Variants in LNX1 observed in about 807,000 individuals in gnomAD.
The protein encoded by LNX1 is ligand of numb-protein X 1.
LNX1 carries 54 observed loss-of-function variants against 68.4 expected under a neutral mutation model. That is an observed-to-expected ratio of 0.79 (90% CI 0.63 to 0.99). The LOEUF (loss-of-function observed/expected upper bound fraction) is 0.99. Ranked by LOEUF, LNX1 falls within the 50% of genes least tolerant of loss-of-function variation. LNX1 has a pLI of 0.00. For missense variants in LNX1, 906 were observed against 926.4 expected, an observed-to-expected ratio of 0.98 and a Z score of 0.29; for synonymous variants, 336 against 350.0, an observed-to-expected ratio of 0.96 and a Z score of 0.45.
intron 7 of LNX1, among the ~76,000 whole-genome samples, chr4:53,480,950 C>T (rs1366144210): frequency 6.6e-6 from 1 of 152,104 alleles, no homozygotes; most frequent in African/African-American, 2.4e-5. Flanking sequence ...CTGAAAGAAG[C>T]TCATCAGCAT....
intron 1 of LNX1, among the ~76,000 whole-genome samples, chr4:53,585,544 C>T (rs1211988979): frequency 6.6e-6 from 1 of 152,152 alleles, no homozygotes; most frequent in Non-Finnish European, 1.5e-5. Context: ...GGTTTAGGAT[C>T]TTGAGATGAG....
chr4:53,480,963 C>A (rs1579381399), intron 7 of LNX1, among the ~76,000 whole-genome samples: 1 of 152,142 alleles, frequency 6.6e-6, no homozygotes, highest in Non-Finnish European at 1.5e-5. Context: ...ATCAGCATCA[C>A]AACAGGATGC....
intron 7 of LNX1, among the ~76,000 whole-genome samples, chr4:53,481,097 G>A (rs558537052): frequency 1.3e-5 from 2 of 152,160 alleles, no homozygotes; most frequent in Non-Finnish European, 2.9e-5. Context: ...TACAAATTGG[G>A]CTGAGTCACT....
intron 1 of LNX1, among the ~76,000 whole-genome samples, chr4:53,583,298 A>T (rs1318226197): frequency 6.6e-6 from 1 of 152,168 alleles, no homozygotes; most frequent in East Asian, 1.9e-4. Context: ...TCACACATGG[A>T]ATAAAATTAT....
At chr4:53,467,256 T>C (rs1271757837) in intron 9 of LNX1, among the ~76,000 whole-genome samples, 7 of 151,912 alleles carry the variant, frequency 4.6e-5, no homozygotes, top group Non-Finnish European at 4.4e-5. Flanking sequence ...TACAGCCAAC[T>C]CCAACAGACC....
intron 9 of LNX1, among the ~76,000 whole-genome samples, chr4:53,471,312 C>T: frequency 6.6e-6 from 1 of 151,946 alleles, no homozygotes. Context: ...AACTGGATCC[C>T]TTCCTTACAC....
At chr4:53,501,372 C>G (rs1348074853) in intron 4 of LNX1, among the ~76,000 whole-genome samples, 1 of 149,372 alleles carries the variant, frequency 6.7e-6, no homozygotes, top group Non-Finnish European at 1.5e-5. Flanking sequence ...CTCAAAGCAG[C>G]CTTGACCTCA....
intron 2 of LNX1, among the ~76,000 whole-genome samples, chr4:53,517,410 A>G (rs1214230178): frequency 6.6e-6 from 1 of 152,058 alleles, no homozygotes; most frequent in Non-Finnish European, 1.5e-5. Flanking sequence ...TTCCACTTGC[A>G]CTCCCTGAGC....
rs933323426 is a variant in LNX1, at chr4:53,459,591, A to G, written c.*1316T>C. 7 of 1,200,326 alleles carry G rather than the reference A, an allele frequency of 5.8e-6. No homozygotes were observed. The African/African-American group carries it at 1.1e-4, about 18-fold the overall frequency. The allele number at this position is 1,200,326 out of a possible 1,614,324, so 74.4% of individuals were successfully genotyped here. ...AAAAGTTAACTTTTTTTCCAAAATA[A>G]AAGAGTGAATTTTTCATGTTAAGTT... On this transcript the variant is annotated 3_prime_UTR_variant, in exon 11 of 11. Coordinates refer to ENST00000263925, the MANE Select transcript of LNX1 (RefSeq NM_001126328.3).
intron 2 of LNX1, among the ~76,000 whole-genome samples, chr4:53,543,123 A>G (rs1728875211): frequency 6.6e-6 from 1 of 152,124 alleles, no homozygotes; most frequent in Non-Finnish European, 1.5e-5. Flanking sequence ...AGCCTCCCGA[A>G]GTGTTATAAT....
chr4:53,604,886 G>A (rs1298376464), intron 2 of LNX1, among the ~76,000 whole-genome samples: 3 of 152,226 alleles, frequency 2.0e-5, no homozygotes, highest in Non-Finnish European at 2.9e-5. Flanking sequence ...AGCTGTATAT[G>A]TATAGAATTC....
chr4:53,553,904 TAC>T (rs1179428952), intron 2 of LNX1, among the ~76,000 whole-genome samples: 1 of 152,196 alleles, frequency 6.6e-6, no homozygotes, highest in Non-Finnish European at 1.5e-5. Context: ...AACTTAAGCA[TAC>T]CCTGAGACTG....
At chr4:53,643,377 C>T (rs926579320) in intron 1 of LNX1, among the ~76,000 whole-genome samples, 7 of 151,998 alleles carry the variant, frequency 4.6e-5, no homozygotes, top group Admixed American at 1.3e-4. Flanking sequence ...CTCAAACTCC[C>T]GGGCTCAAGT....
At chr4:53,548,109 G>T (rs1729235113) in intron 2 of LNX1, among the ~76,000 whole-genome samples, 1 of 141,500 alleles carries the variant, frequency 7.1e-6, no homozygotes, top group Non-Finnish European at 1.5e-5. Flanking sequence ...GCACACAGAA[G>T]GAGTGATGGT....
At position 53,496,080 on chromosome 4, in the gene LNX1, G is replaced by A; in HGVS notation, c.1293C>T (p.Ala431=). The A allele has an allele frequency of 6.2e-7, 1 of 1,614,152 alleles. No individual in the cohort carries two copies. The highest frequency in any genetic ancestry group is 1.1e-5 in the South Asian group (1 of 91,082). ...GQLEENDRVL[A]INGHDLRYGS... ...CATATCGAAGATCATGTCCATTGAT[G>A]GCTAACACACGGTCATTCTCCTCAA... The change falls in exon 6 of 11, where the codon GCC becomes GCT. Residue 431 remains alanine, a synonymous_variant. Transcript: ENST00000263925.
At chr4:53,466,711 G>A (rs146916916) in intron 9 of LNX1, among the ~76,000 whole-genome samples, 1 of 152,256 alleles carries the variant, frequency 6.6e-6, no homozygotes, top group Admixed American at 6.5e-5. Flanking sequence ...GGCTCGGAGG[G>A]TCCTATGCCC....
intron 6 of LNX1, among the ~76,000 whole-genome samples, chr4:53,484,909 A>T (rs1306267582): frequency 7.2e-5 from 11 of 152,174 alleles, no homozygotes; most frequent in Non-Finnish European, 1.3e-4. Flanking sequence ...TCTGGCCATC[A>T]CTTCTGATCT....
chr4:53,598,698 G>A (rs1732864669), intron 2 of LNX1, among the ~76,000 whole-genome samples: 1 of 152,182 alleles, frequency 6.6e-6, no homozygotes, highest in Non-Finnish European at 1.5e-5. Flanking sequence ...GGGAAGGAAT[G>A]GAGGAAGGGA....
intron 2 of LNX1, among the ~76,000 whole-genome samples, chr4:53,605,438 G>A (rs1733189247): frequency 6.6e-6 from 1 of 151,942 alleles, no homozygotes; most frequent in Non-Finnish European, 1.5e-5. Flanking sequence ...GTATGGGGGT[G>A]GGGGGTAAAG....
Sources: allele counts gnomAD v4.1 joint callset (sites outside exome capture counted in the v4.1 genomes callset), GRCh38; gene constraint gnomAD v4.1.1; transcripts MANE v1.5; gene names NCBI Gene and HGNC (gene_info 2026-07-23, HGNC 2026-07-21).